VWF: variants seen among roughly 807,000 people sequenced by gnomAD.
The protein encoded by VWF is Factor VIII related antigen.
A neutral mutation model predicts 308.6 loss-of-function variants in VWF; 176 were observed. The ratio of observed to expected loss-of-function variants is 0.57; its 90% CI spans 0.50 to 0.65. The LOEUF (loss-of-function observed/expected upper bound fraction) is 0.65, where lower values mean the gene tolerates loss of function less well. Among genes scored for constraint, VWF ranks in the 30% least tolerant of loss-of-function variants. The probability of loss-of-function intolerance (pLI) is 0.00; values close to 1 mark genes in which losing one functional copy is unlikely to be tolerated. For missense variants in VWF, 3,146 were observed against 3,648.2 expected (o/e 0.86, Z 3.55); for synonymous variants, 1,385 against 1,443.4 (o/e 0.96, Z 0.92).
chr12:6,121,909 C>T (rs977291879), intron 2 of VWF, among the ~76,000 whole-genome samples: 3 of 149,924 alleles, frequency 2.0e-5, no homozygotes, highest in Non-Finnish European at 3.0e-5. Context: ...CTAGACTGGG[C>T]GACAGAGTGA....
In VWF at chr12:6,039,424, T is replaced by C. The variant is rs373652695; in HGVS notation, c.2443-2933A>G. 1.1e-3 allele frequency among the ~76,000 whole-genome samples: 164 copies of C among 152,330 alleles called. 1 individual carries two copies. The highest frequency in any genetic ancestry group is 0.01 in the Middle Eastern group (3 of 294). ...TCGTGACCCACTCTCCAGAATCTTTTTTACCTTCCAACTGCCTCTCGTTCA... is the reference window on the plus strand; with the variant it reads ...TCGTGACCCACTCTCCAGAATCTTTCTTACCTTCCAACTGCCTCTCGTTCA... On this transcript the variant is annotated intron_variant, in intron 18 of 51. Transcript: ENST00000261405.
chr12:6,093,514 G>A (rs936514838), intron 6 of VWF, among the ~76,000 whole-genome samples: 3 of 152,132 alleles, frequency 2.0e-5, no homozygotes, highest in Admixed American at 6.5e-5. Context: ...AAGGCTGCTC[G>A]AGAGCTCCCC....
intron 21 of VWF, among the ~76,000 whole-genome samples, chr12:6,031,033 A>C (rs1944255940): frequency 6.6e-6 from 1 of 152,192 alleles, no homozygotes; most frequent in Non-Finnish European, 1.5e-5. Flanking sequence ...TCCATCTCAA[A>C]AAAATAAAGT....
intron 16 of VWF, among the ~76,000 whole-genome samples, chr12:6,048,805 A>C (rs1944475605): frequency 6.6e-6 from 1 of 152,228 alleles, no homozygotes. Flanking sequence ...CTGCTGTTCA[A>C]TAAATATCTG....
chr12:5,967,709 C>T lies in VWF; in HGVS notation c.7771-107G>A, dbSNP rs947843165. ...CCACCCACCCATAGCTCCCATGAGC[C>T]ATCGCTCTGCTGCTCCTCCTGTCTC... On this transcript the variant is annotated intron_variant, in intron 46 of 51. Coordinates refer to ENST00000261405, the MANE Select transcript of VWF (RefSeq NM_000552.5). The T allele has an allele frequency of 1.9e-5, 19 of 985,654 alleles. 1 individual carries two copies. The Admixed American group carries it at 3.2e-4, about 17-fold the overall frequency. The allele number at this position is 985,654 out of a possible 1,614,324, so 61.1% of individuals were successfully genotyped here.
intron 9 of VWF, 36 bp downstream of exon 9, chr12:6,072,295 C>T (rs763193899): frequency 6.3e-7 from 1 of 1,597,794 alleles, no homozygotes; most frequent in African/African-American, 1.3e-5. Flanking sequence ...GTCCCCCAGG[C>T]AGGTCTCCCA....
chr12:6,000,811 C>CAAAA (rs71064181), intron 34 of VWF, among the ~76,000 whole-genome samples: 21 of 69,778 alleles, frequency 3.0e-4, no homozygotes, highest in Admixed American at 3.8e-4. Context: ...GACTCTGTCT[C>CAAAA]AAAAAAAAAA....
chr12:5,954,875 A>G (rs2136341467), intron 47 of VWF, among the ~76,000 whole-genome samples: 1 of 152,348 alleles, frequency 6.6e-6, no homozygotes, highest in South Asian at 2.1e-4. Context: ...TTCATAAGGG[A>G]CAAGCCTTCA....
intron 5 of VWF, among the ~76,000 whole-genome samples, chr12:6,108,775 T>A (rs1314692253): frequency 2.6e-5 from 4 of 151,490 alleles, no homozygotes; most frequent in South Asian, 4.2e-4. Context: ...AGGTCAGGAG[T>A]TGGAGACCAC....
At chr12:6,111,121 A>AT (rs1215158377) in intron 3 of VWF, among the ~76,000 whole-genome samples, 153 bp from the exon 4 acceptor site, 5 of 152,036 alleles carry the variant, frequency 3.3e-5, no homozygotes, top group Non-Finnish European at 7.4e-5. Context: ...TAAAAATCTC[A>AT]TTTTCTCACC....
rs777859406 is a variant in VWF at position 6,110,968 on chromosome 12, C to G, written c.221G>C (p.Gly74Ala). ...CACTCTCTTGCCATTCTGGAAGTCC[C>G]CTGAAAGAGAAAAAAGTCAATAGTA... ...GCQKRSFSII[G>A]DFQNGKRVSL... Residue 74 changes from glycine to alanine, a missense_variant and splice_region_variant, in exon 4 of 52, where the codon GGG (glycine) becomes GCG (alanine). Gly to Ala is a moderately conservative substitution (Grantham distance 60, BLOSUM62 0). Transcript: ENST00000261405. 5.0e-6 allele frequency: 8 copies of G among 1,613,562 alleles called. No individual in the cohort carries two copies. Among genetic ancestry groups the G allele is most frequent in the Non-Finnish European group, 6.8e-6 (8 of 1,179,666 alleles).
chr12:6,059,537 A>G (rs1944630901), intron 13 of VWF, among the ~76,000 whole-genome samples: 1 of 152,232 alleles, frequency 6.6e-6, no homozygotes, highest in Non-Finnish European at 1.5e-5. Context: ...TGAAGGCATC[A>G]GCAGATTTGG....
At chr12:5,982,444 C>G (rs927067138) in intron 41 of VWF, among the ~76,000 whole-genome samples, 4 of 152,198 alleles carry the variant, frequency 2.6e-5, no homozygotes, top group African/African-American at 9.7e-5. Flanking sequence ...CGCCAGCAAT[C>G]AGTGTGGAAT....
chr12:5,968,317 T>G, intron 45 of VWF, 150 bp from the exon 46 acceptor site: 1 of 863,952 alleles, frequency 1.2e-6, no homozygotes, highest in Non-Finnish European at 1.8e-6. Context: ...AACCCAGCGC[T>G]GGGGGTCCTA....
At chr12:5,964,254 A>ACATACATGCATG (rs1555189801) in intron 47 of VWF, among the ~76,000 whole-genome samples, 3 of 129,916 alleles carry the variant, frequency 2.3e-5, no homozygotes, top group African/African-American at 9.2e-5. Context: ...ATACATGCAT[A>ACATACATGCATG]CATACATACA....
chr12:6,012,703 ATTT>A (rs148790795), intron 32 of VWF, among the ~76,000 whole-genome samples: 1,362 of 130,748 alleles, frequency 0.01, 7 homozygotes, highest in Non-Finnish European at 0.011. Context: ...GTGTGTGTGT[ATTT>A]TTTTTTTTTT....
rs1035617050 is a variant in VWF at position 6,046,946 on chromosome 12, C to G, written c.2187-129G>C. On this transcript the variant is annotated intron_variant, in intron 16 of 51. Transcript: ENST00000261405. The surrounding 1 kb of genome is among the most constrained non-coding windows in gnomAD (Gnocchi z 5.0). ...CAGTCCCATAACCCCTCCTGAAGCA[C>G]AGCTTGCTAACGTTACCAATGGATG... 28 of 800,776 alleles carry G rather than the reference C, an allele frequency of 3.5e-5. No individual in the cohort carries two copies. The Admixed American group carries it at 5.2e-4, about 15-fold the overall frequency. The allele number at this position is 800,776 out of a possible 1,614,324, so 49.6% of individuals were successfully genotyped here.
chr12:6,046,382 AC>A lies in VWF; in HGVS notation c.2281+340del, dbSNP rs1944447006. 6.6e-6 allele frequency among the ~76,000 whole-genome samples: 1 copy of A among 152,236 alleles called. No individual in the cohort carries two copies. The highest frequency in any genetic ancestry group is 2.1e-4 in the South Asian group (1 of 4,828). ...AACAAGAGGCCATCAAAGAAGGGTGACTGTCATCACAATCAAGGCCACCAAC... is the reference window on the plus strand; with the variant it reads ...AACAAGAGGCCATCAAAGAAGGGTGATGTCATCACAATCAAGGCCACCAAC... On this transcript the variant is annotated intron_variant, in intron 17 of 51. Transcript: ENST00000261405. The surrounding 1 kb of genome is among the most constrained non-coding windows in gnomAD (Gnocchi z 5.0).
intron 37 of VWF, among the ~76,000 whole-genome samples, chr12:5,992,491 G>A (rs976625197): frequency 1.3e-5 from 2 of 152,186 alleles, no homozygotes; most frequent in African/African-American, 2.4e-5. Context: ...GAATCAGCTG[G>A]AGCCACCGCC....
Sources: gnomAD v4.1 joint callset for allele counts (sites outside exome capture counted in the v4.1 genomes callset) on GRCh38, gnomAD v4.1.1 for gene constraint, Gnocchi (gnomAD v3.1) non-coding constraint, MANE v1.5 for transcripts, NCBI Gene and HGNC (gene_info 2026-07-23, HGNC 2026-07-21) for gene names.